KAZN: variants seen among roughly 807,000 people sequenced by gnomAD.
KAZN encodes the protein kazrin, periplakin interacting protein, also known as kazrin.
Under a neutral mutation model 87.4 loss-of-function variants are expected in KAZN, and 40 were observed. That is an observed-to-expected ratio of 0.46 (90% CI 0.36 to 0.60). KAZN has a LOEUF of 0.60. Among genes scored for constraint, KAZN ranks in the 20% least tolerant of loss-of-function variants. KAZN has a pLI of 0.00. For missense variants in KAZN, 898 were observed against 1,073.9 expected (o/e 0.84, Z 2.29); for synonymous variants, 466 against 458.3 (o/e 1.02, Z -0.22).
At position 14,042,860 on chromosome 1, in the gene KAZN, G is replaced by A. The variant is rs559433979; in HGVS notation, c.92-137575G>A. ...GAATGAAATCAGTGTTTCTGCTTAC[G>A]TACCTGGCCTTAATTATCTCTTGTC... On this transcript the variant is annotated intron_variant, in intron 1 of 16. Transcript: ENST00000636203. Among the ~76,000 whole-genome samples the A allele has an allele frequency of 8.5e-5, 13 of 152,218 alleles. No homozygotes were observed. In the East Asian group the frequency reaches 1.2e-3, roughly 14 times the overall value.
intron 1 of KAZN, among the ~76,000 whole-genome samples, chr1:13,935,718 T>C (rs945643689): frequency 2.0e-5 from 3 of 152,066 alleles, no homozygotes; most frequent in Non-Finnish European, 2.9e-5. Context: ...GTTTACAGCG[T>C]GGGGTAGTAG....
chr1:14,925,552 C>T (rs187692479), intron 1 of KAZN, among the ~76,000 whole-genome samples: 3 of 152,284 alleles, frequency 2.0e-5, no homozygotes, highest in African/African-American at 7.2e-5. Flanking sequence ...GGAGGTTAAG[C>T]GACTTGCCCA....
intron 2 of KAZN, among the ~76,000 whole-genome samples, chr1:14,364,972 G>C (rs1423493706): frequency 1.3e-5 from 2 of 151,426 alleles, no homozygotes; most frequent in African/African-American, 4.9e-5. Context: ...TGAACTCCTG[G>C]CCTTAAGTGA....
chr1:14,507,459 C>T (rs1670643294), intron 2 of KAZN, among the ~76,000 whole-genome samples: 2 of 152,068 alleles, frequency 1.3e-5, no homozygotes, highest in Non-Finnish European at 2.9e-5. Context: ...ACAAAAGTTG[C>T]CAAGCGATGG....
chr1:13,958,147 T>C (rs16853271), intron 1 of KAZN, among the ~76,000 whole-genome samples: 22 of 152,242 alleles, frequency 1.4e-4, no homozygotes, highest in African/African-American at 5.3e-4. Flanking sequence ...AAAACCATGA[T>C]GTGTGTGCAC....
At chr1:14,287,403 G>C (rs1653339508) in intron 2 of KAZN, among the ~76,000 whole-genome samples, 1 of 152,188 alleles carries the variant, frequency 6.6e-6, no homozygotes, top group Non-Finnish European at 1.5e-5. Flanking sequence ...CACATCCCTT[G>C]TAAGTTGGAT....
chr1:14,496,560 C>T (rs1275996418), intron 2 of KAZN, among the ~76,000 whole-genome samples: 1 of 151,710 alleles, frequency 6.6e-6, no homozygotes, highest in East Asian at 1.9e-4. Context: ...GTTATTATTG[C>T]TGTTGAAAAG....
chr1:13,941,559 G>A (rs1640928082), intron 1 of KAZN, among the ~76,000 whole-genome samples: 1 of 152,182 alleles, frequency 6.6e-6, no homozygotes, highest in South Asian at 2.1e-4. Flanking sequence ...GATGGGATTG[G>A]TGGATTCTGT....
At chr1:14,379,646 A>T (rs1254842722) in intron 2 of KAZN, among the ~76,000 whole-genome samples, 1 of 152,064 alleles carries the variant, frequency 6.6e-6, no homozygotes, top group Non-Finnish European at 1.5e-5. Context: ...CCATGGGATG[A>T]GGTTCCTCTG....
intron 1 of KAZN, among the ~76,000 whole-genome samples, chr1:14,728,242 T>A (rs548044061): frequency 1.4e-5 from 2 of 141,160 alleles, no homozygotes; most frequent in African/African-American, 5.4e-5. Context: ...GCCGAGATTG[T>A]GCCACTGCAC....
intron 1 of KAZN, among the ~76,000 whole-genome samples, chr1:14,925,409 C>A (rs1378567837): frequency 6.6e-6 from 1 of 152,172 alleles, no homozygotes; most frequent in Non-Finnish European, 1.5e-5. Context: ...GGGGGAGGCA[C>A]AACATAATTA....
At chr1:13,973,730 A>G (rs1642212422) in intron 1 of KAZN, among the ~76,000 whole-genome samples, 1 of 152,116 alleles carries the variant, frequency 6.6e-6, no homozygotes, top group Admixed American at 6.5e-5. Flanking sequence ...TTCTGCTGAG[A>G]CTTTGTTAAC....
chr1:14,979,094 A>G (rs1048613265), intron 2 of KAZN, among the ~76,000 whole-genome samples: 2 of 151,794 alleles, frequency 1.3e-5, no homozygotes, highest in Non-Finnish European at 2.9e-5. Flanking sequence ...TAGTACAGAC[A>G]GCGTTCACCA....
chr1:13,917,448 A>G (rs1639894869), intron 1 of KAZN, among the ~76,000 whole-genome samples: 2 of 152,176 alleles, frequency 1.3e-5, no homozygotes, highest in Non-Finnish European at 2.9e-5. Context: ...TGGTGATTTT[A>G]AATTGAAGCC....
At chr1:14,176,098 T>A (rs752427080) in intron 1 of KAZN, among the ~76,000 whole-genome samples, 8 of 152,134 alleles carry the variant, frequency 5.3e-5, no homozygotes, top group Admixed American at 1.3e-4. Context: ...GGAGCACCTA[T>A]TTCCACTTAG....
chr1:15,075,829 T>C (rs1639714557), intron 8 of KAZN, among the ~76,000 whole-genome samples: 1 of 152,180 alleles, frequency 6.6e-6, no homozygotes, highest in East Asian at 1.9e-4. Context: ...GTCCTAGATA[T>C]AGACAGAGGG....
At chr1:14,093,845 G>A (rs1224932568) in intron 1 of KAZN, among the ~76,000 whole-genome samples, 2 of 152,126 alleles carry the variant, frequency 1.3e-5, no homozygotes, top group Admixed American at 6.5e-5. Flanking sequence ...GTAGAAATGC[G>A]ATTGGACAAA....
rs1644962571 is a variant in KAZN, at chr1:14,769,311, G to A, written c.226+170088G>A. Among the ~76,000 whole-genome samples, 1 of 152,150 alleles carries A rather than the reference G, an allele frequency of 6.6e-6. No individual in the cohort carries two copies. The highest frequency in any genetic ancestry group is 1.5e-5 in the Non-Finnish European group (1 of 68,036). The stretch of plus-strand genomic sequence containing the variant: ...GTTATTGGCTTTTGGAAAGTCCCCT[G>A]AGTGTAGGGAACTATACCTTGGTCA... On this transcript the variant is annotated intron_variant, in intron 1 of 14. Transcript: ENST00000376030. This position sits in a 1 kb window ranked among gnomAD's most constrained non-coding sequence, Gnocchi z 4.1.
chr1:13,926,554 T>C (rs1640284630), intron 1 of KAZN, among the ~76,000 whole-genome samples: 1 of 152,072 alleles, frequency 6.6e-6, no homozygotes, highest in Non-Finnish European at 1.5e-5. Flanking sequence ...GCCAGTGACA[T>C]TGGGTCCTGA....
Sources: allele counts gnomAD v4.1 joint callset (sites outside exome capture counted in the v4.1 genomes callset), GRCh38; gene constraint gnomAD v4.1.1; non-coding constraint Gnocchi (gnomAD v3.1); transcripts MANE v1.5; gene names NCBI Gene and HGNC (gene_info 2026-07-23, HGNC 2026-07-21).